BATF: variants seen among roughly 807,000 people sequenced by gnomAD.
BATF encodes basic leucine zipper ATF-like transcription factor, also known as basic leucine zipper transcriptional factor ATF-like.
In BATF, 5 loss-of-function variants were observed where a neutral mutation model predicts 13.7. That is an observed-to-expected ratio of 0.36 (90% CI 0.19 to 0.77). The LOEUF (loss-of-function observed/expected upper bound fraction) is 0.77. Among genes scored for constraint, BATF ranks in the 30% least tolerant of loss-of-function variants. BATF has a pLI of 0.51. For synonymous variants in BATF, 72 were observed against 67.5 expected, an observed-to-expected ratio of 1.07 and a Z score of -0.33; for missense variants, 124 against 163.0, an observed-to-expected ratio of 0.76 and a Z score of 1.30.
intron 1 of BATF, among the ~76,000 whole-genome samples, chr14:75,523,352 A>G (rs1302652792): frequency 6.6e-6 from 1 of 152,154 alleles, no homozygotes; most frequent in African/African-American, 2.4e-5. Flanking sequence ...GGTCCAGCCA[A>G]TATCTCTTTG....
intron 2 of BATF, among the ~76,000 whole-genome samples, chr14:75,529,038 A>C (rs1887694059): frequency 6.6e-6 from 1 of 152,220 alleles, no homozygotes; most frequent in East Asian, 1.9e-4. Context: ...TTAATTGATA[A>C]ATTTAATGAG....
intron 2 of BATF, among the ~76,000 whole-genome samples, chr14:75,545,215 C>T (rs954240010): frequency 4.0e-5 from 6 of 151,674 alleles, no homozygotes; most frequent in Non-Finnish European, 5.9e-5. Context: ...TTATTTATTT[C>T]ATTTTTATTT....
intron 2 of BATF, among the ~76,000 whole-genome samples, chr14:75,543,779 T>C (rs1203557594): frequency 6.6e-6 from 1 of 150,994 alleles, no homozygotes; most frequent in Non-Finnish European, 1.5e-5. Context: ...TGCAGTGAGC[T>C]GAGATCGCAC....
At chr14:75,527,283 T>C (rs544135230) in intron 2 of BATF, among the ~76,000 whole-genome samples, 1 of 152,322 alleles carries the variant, frequency 6.6e-6, no homozygotes, top group Non-Finnish European at 1.5e-5. Context: ...AAAACATATA[T>C]ACATTTTGTG....
intron 2 of BATF, among the ~76,000 whole-genome samples, chr14:75,544,353 T>A (rs1211096116): frequency 1.3e-5 from 2 of 151,870 alleles, no homozygotes; most frequent in Non-Finnish European, 2.9e-5. Flanking sequence ...TCCCCTGAGG[T>A]CAGGAGTTCA....
At chr14:75,544,114 C>A (rs145927653) in intron 2 of BATF, among the ~76,000 whole-genome samples, 20 of 152,154 alleles carry the variant, frequency 1.3e-4, no homozygotes, top group South Asian at 2.1e-4. Flanking sequence ...TTAATAAGTG[C>A]TTGAATAATT....
intron 2 of BATF, among the ~76,000 whole-genome samples, chr14:75,529,930 G>A (rs1365375035): frequency 6.6e-6 from 1 of 152,032 alleles, no homozygotes; most frequent in Non-Finnish European, 1.5e-5. Context: ...CAGGCGTGGT[G>A]GCGGGTGCCT....
At chr14:75,541,186 C>G (rs1243721087) in intron 2 of BATF, among the ~76,000 whole-genome samples, 1 of 152,096 alleles carries the variant, frequency 6.6e-6, no homozygotes, top group Admixed American at 6.5e-5. Context: ...TAAATTGAGC[C>G]AGGTTACACC....
intron 2 of BATF, among the ~76,000 whole-genome samples, chr14:75,541,325 T>G (rs533002290): frequency 3.3e-4 from 51 of 152,278 alleles, no homozygotes; most frequent in African/African-American, 1.1e-3. Context: ...CAACTGGAGC[T>G]GAATAGGGAA....
chr14:75,523,163 G>T (rs1354964683), intron 1 of BATF, among the ~76,000 whole-genome samples: 1 of 150,762 alleles, frequency 6.6e-6, no homozygotes, highest in Non-Finnish European at 1.5e-5. Context: ...CAGTTTCCCA[G>T]GAGACAGCCA....
intron 2 of BATF, among the ~76,000 whole-genome samples, chr14:75,533,145 C>T (rs1887763345): frequency 6.6e-6 from 1 of 152,084 alleles, no homozygotes; most frequent in Non-Finnish European, 1.5e-5. Flanking sequence ...AATTGGGAGT[C>T]CAGCTCCATG....
intron 2 of BATF, among the ~76,000 whole-genome samples, chr14:75,527,702 C>T (rs184551588): frequency 6.6e-6 from 1 of 152,290 alleles, no homozygotes; most frequent in East Asian, 1.9e-4. Context: ...GCTTGAGGGT[C>T]CACAGAGCCC....
At chr14:75,530,119 C>T (rs959390653) in intron 2 of BATF, among the ~76,000 whole-genome samples, 1 of 147,152 alleles carries the variant, frequency 6.8e-6, no homozygotes, top group African/African-American at 2.5e-5. Flanking sequence ...AGGCAATTTA[C>T]AGAAAAGAGA....
Position 75,522,794 on chromosome 14 carries a change from T to C in BATF, c.63+49T>C, listed in dbSNP as rs762705518. The C allele has an allele frequency of 3.7e-6, 6 of 1,609,228 alleles. No individual in the cohort carries two copies. The East Asian group carries it at 8.9e-5, about 24-fold the overall frequency. On this transcript the variant is annotated intron_variant, in intron 1 of 2. Transcript: ENST00000286639. ...CCTACCTTCTGATTCTCCTGGGGGA[T>C]GGAAAGAGAGCCAGGCTTCCTTGTC...
At position 75,541,179 on chromosome 14, in the gene BATF, A is replaced by C. The variant is rs74511092; in HGVS notation, c.169-5283A>C. Among the ~76,000 whole-genome samples, 1,477 of 152,316 alleles carry C rather than the reference A, an allele frequency of 9.7e-3. 27 individuals are homozygous for C. The highest frequency in any genetic ancestry group is 0.034 in the African/African-American group (1,399 of 41,558). ...GTTTCTATCCACCTTTTTCGTATAA[A>C]TTGAGCCAGGTTACACCTTAGACCT... On this transcript the variant is annotated intron_variant, in intron 2 of 2. Coordinates refer to ENST00000286639, the MANE Select transcript of BATF (RefSeq NM_006399.5).
chr14:75,529,803 C>T (rs1448182785), intron 2 of BATF, among the ~76,000 whole-genome samples: 3 of 152,176 alleles, frequency 2.0e-5, no homozygotes, highest in African/African-American at 4.8e-5. Context: ...CGGCGGCTCA[C>T]GCCTTAATCC....
At chr14:75,539,117 G>A (rs1488023441) in intron 2 of BATF, among the ~76,000 whole-genome samples, 1 of 152,218 alleles carries the variant, frequency 6.6e-6, no homozygotes, top group Non-Finnish European at 1.5e-5. Context: ...CTTTTCTCAT[G>A]TAACAAGAAG....
intron 2 of BATF, among the ~76,000 whole-genome samples, chr14:75,530,779 G>C (rs149790805): frequency 0.011 from 1,736 of 152,266 alleles, 36 homozygotes; most frequent in African/African-American, 0.039. Flanking sequence ...CTCCCAAAGT[G>C]CTGGGATTAC....
intron 2 of BATF, among the ~76,000 whole-genome samples, chr14:75,540,317 C>T (rs1887878394): frequency 6.6e-6 from 1 of 152,134 alleles, no homozygotes; most frequent in Non-Finnish European, 1.5e-5. Flanking sequence ...TCCTAAGCCC[C>T]TCCAGTAGGG....
Sources: gnomAD v4.1 joint callset for allele counts (sites outside exome capture counted in the v4.1 genomes callset) on GRCh38, gnomAD v4.1.1 for gene constraint, MANE v1.5 for transcripts, NCBI Gene and HGNC (gene_info 2026-07-23, HGNC 2026-07-21) for gene names.